PEBP4: variants seen among roughly 807,000 people sequenced by gnomAD.
The protein encoded by PEBP4 is phosphatidylethanolamine-binding protein 4.
Under a neutral mutation model 23.9 loss-of-function variants are expected in PEBP4, and 22 were observed. The observed-to-expected ratio is 0.92, with a 90% CI of 0.66 to 1.31. The LOEUF (loss-of-function observed/expected upper bound fraction) is 1.31, where lower values mean the gene tolerates loss of function less well. PEBP4 is among the 40% of genes most tolerant of loss of function. The probability of loss-of-function intolerance (pLI) is 0.00; values close to 1 mark genes in which losing one functional copy is unlikely to be tolerated. For missense variants in PEBP4, 324 were observed against 281.7 expected, an observed-to-expected ratio of 1.15 and a Z score of -1.07; for synonymous variants, 112 against 99.3, an observed-to-expected ratio of 1.13 and a Z score of -0.76.
chr8:22,761,376 A>G (rs1388295921), intron 4 of PEBP4, among the ~76,000 whole-genome samples: 2 of 152,062 alleles, frequency 1.3e-5, no homozygotes, highest in Middle Eastern at 3.4e-3. Context: ...GTGGCTCCTG[A>G]CATGGCGAGG....
At chr8:22,768,535 C>CGGT (rs967327474) in intron 4 of PEBP4, among the ~76,000 whole-genome samples, 4 of 152,184 alleles carry the variant, frequency 2.6e-5, no homozygotes, top group African/African-American at 4.8e-5. Flanking sequence ...CCCGGGCCTC[C>CGGT]GGTGCGGAGC....
chr8:22,741,379 C>A (rs890748561), intron 4 of PEBP4, among the ~76,000 whole-genome samples: 1 of 152,224 alleles, frequency 6.6e-6, no homozygotes, highest in Non-Finnish European at 1.5e-5. Context: ...CAAGGCCCTG[C>A]CACTGTCTGC....
chr8:22,867,384 G>A (rs965041713), intron 3 of PEBP4, among the ~76,000 whole-genome samples: 3 of 152,100 alleles, frequency 2.0e-5, no homozygotes, highest in African/African-American at 4.8e-5. Flanking sequence ...GCTCAGATCC[G>A]AGCCTGCGAA....
At chr8:22,760,765 A>C (rs952704876) in intron 4 of PEBP4, among the ~76,000 whole-genome samples, 2 of 152,108 alleles carry the variant, frequency 1.3e-5, no homozygotes, top group Non-Finnish European at 2.9e-5. Flanking sequence ...CAATACGAGA[A>C]GGCTTGTGCA....
chr8:22,904,871 A>G (rs1328326945), intron 3 of PEBP4, among the ~76,000 whole-genome samples: 1 of 152,162 alleles, frequency 6.6e-6, no homozygotes, highest in Admixed American at 6.5e-5. Context: ...TATTTAACCA[A>G]TCTATTGTTG....
intron 3 of PEBP4, among the ~76,000 whole-genome samples, chr8:22,820,902 T>A (rs1268999631): frequency 6.6e-6 from 1 of 152,164 alleles, no homozygotes; most frequent in Non-Finnish European, 1.5e-5. Context: ...TAATCAAATG[T>A]GTGCTTTGGG....
chr8:22,726,354 G>A (rs1804623397), intron 5 of PEBP4, among the ~76,000 whole-genome samples: 1 of 152,214 alleles, frequency 6.6e-6, no homozygotes. Context: ...TCCACCGTGG[G>A]CACACTTGAC....
At chr8:22,731,599 C>A (rs1051077895) in intron 4 of PEBP4, among the ~76,000 whole-genome samples, 1 of 111,304 alleles carries the variant, frequency 9.0e-6, no homozygotes, top group African/African-American at 2.7e-5. Flanking sequence ...GGGGTGGCAC[C>A]CATACGCCCT....
chr8:22,775,997 T>A lies in PEBP4; in HGVS notation c.357+41640A>T, dbSNP rs1375850304. Reference sequence around the variant, plus strand: ...TTGCAGATGCACACAGAGGGGTGTCTGTGTGCACCAGAGAGGCAGGTGGGT... The same window carrying A: ...TTGCAGATGCACACAGAGGGGTGTCAGTGTGCACCAGAGAGGCAGGTGGGT... On this transcript the variant is annotated intron_variant, in intron 4 of 6. Transcript: ENST00000256404. This position sits in a 1 kb window ranked among gnomAD's most constrained non-coding sequence, Gnocchi z 4.8. Among the ~76,000 whole-genome samples the A allele has an allele frequency of 6.6e-6, 1 of 152,088 alleles. No individual in the cohort carries two copies. Among genetic ancestry groups the A allele is most frequent in the African/African-American group, 2.4e-5 (1 of 41,416 alleles).
At chr8:22,902,989 C>T (rs117752447) in intron 3 of PEBP4, among the ~76,000 whole-genome samples, 3,603 of 152,160 alleles carry the variant, frequency 0.024, 52 homozygotes, top group Non-Finnish European at 0.037. Flanking sequence ...CTCATTACAC[C>T]GTAGGGACCT....
rs532019111 is a variant in PEBP4, at chr8:22,744,275, G to A, written c.358-17055C>T. ...GTAGCACCTGAGGGAGGTGGGATGA[G>A]CAGAATCAGACTCCCTAATTCCCTT... is the stretch of plus-strand genomic sequence containing the variant. On this transcript the variant is annotated intron_variant, in intron 4 of 6. Coordinates refer to ENST00000256404, the MANE Select transcript of PEBP4 (RefSeq NM_144962.3). Among the ~76,000 whole-genome samples, 1,187 of 152,340 alleles carry A rather than the reference G, an allele frequency of 7.8e-3. 13 individuals are homozygous for A. The highest frequency in any genetic ancestry group is 0.026 in the African/African-American group (1,064 of 41,564).
chr8:22,864,400 T>C (rs1807842603), intron 3 of PEBP4, among the ~76,000 whole-genome samples: 1 of 151,792 alleles, frequency 6.6e-6, no homozygotes, highest in African/African-American at 2.4e-5. Context: ...GGACAGGGAC[T>C]GTGTGACCTC....
chr8:22,733,791 T>G (rs13275597), intron 4 of PEBP4, among the ~76,000 whole-genome samples: 2 of 56,180 alleles, frequency 3.6e-5, no homozygotes, highest in African/African-American at 7.9e-5. Context: ...GGATGGGGGG[T>G]TTGGGGAGGG....
chr8:22,733,908 G>C (rs1235778088), intron 4 of PEBP4, among the ~76,000 whole-genome samples: 2 of 151,808 alleles, frequency 1.3e-5, no homozygotes, highest in African/African-American at 2.4e-5. Context: ...GGCTCAGAAA[G>C]GTGTCATGGA....
intron 3 of PEBP4, among the ~76,000 whole-genome samples, chr8:22,898,961 C>T (rs1808653598): frequency 6.6e-6 from 1 of 152,124 alleles, no homozygotes; most frequent in Non-Finnish European, 1.5e-5. Context: ...TTTGCTAGTC[C>T]CTGCTGTGGA....
chr8:22,777,815 C>T (rs1278451832), intron 4 of PEBP4, among the ~76,000 whole-genome samples: 2 of 152,172 alleles, frequency 1.3e-5, no homozygotes, highest in Non-Finnish European at 2.9e-5. Context: ...TCCAATTAGA[C>T]ATGCAAGGCT....
chr8:22,940,114 T>C (rs60696904), intron 1 of PEBP4, among the ~76,000 whole-genome samples: 4,015 of 152,312 alleles, frequency 0.026, 89 homozygotes, highest in African/African-American at 0.058. Flanking sequence ...AGTGAAGCTA[T>C]GTATTTACCT....
chr8:22,865,600 C>G lies in PEBP4; in HGVS notation c.259-47865G>C, dbSNP rs1448453299. On this transcript the variant is annotated intron_variant, in intron 3 of 6. Transcript: ENST00000256404. The surrounding 1 kb of genome is among the most constrained non-coding windows in gnomAD (Gnocchi z 6.9). ...GGAATTCCCTCCGCCCGGGCGCACG[C>G]GGCCCCCCGCCCCCGCCCCATCCTG... Among the ~76,000 whole-genome samples the G allele has an allele frequency of 1.3e-5, 2 of 152,184 alleles. No homozygotes were observed. Among genetic ancestry groups the G allele is most frequent in the Non-Finnish European group, 2.9e-5 (2 of 68,014 alleles).
At chr8:22,927,422 G>A (rs1008002604) in intron 2 of PEBP4, among the ~76,000 whole-genome samples, 162 bp downstream of exon 2, 1 of 152,146 alleles carries the variant, frequency 6.6e-6, no homozygotes, top group Non-Finnish European at 1.5e-5. Flanking sequence ...CTTTCTCAGT[G>A]CCATCCTCCA....
Sources: allele counts gnomAD v4.1 joint callset (sites outside exome capture counted in the v4.1 genomes callset), GRCh38; gene constraint gnomAD v4.1.1; non-coding constraint Gnocchi (gnomAD v3.1); transcripts MANE v1.5; gene names NCBI Gene and HGNC (gene_info 2026-07-23, HGNC 2026-07-21).